NRG3: variants seen among roughly 807,000 people sequenced by gnomAD.
NRG3 encodes pro-neuregulin-3, membrane-bound isoform.
In NRG3, 31 loss-of-function variants were observed where a neutral mutation model predicts 66.9. That is an observed-to-expected ratio of 0.46 (90% confidence interval 0.35 to 0.63). The LOEUF is 0.63. Ranked by LOEUF, NRG3 falls within the 20% of genes least tolerant of loss-of-function variation. The probability of loss-of-function intolerance (pLI) is 0.00; values close to 1 mark genes in which losing one functional copy is unlikely to be tolerated. For synonymous variants in NRG3, 393 were observed against 359.4 expected, an observed-to-expected ratio of 1.09 and a Z score of -1.06; for missense variants, 910 against 878.9, an observed-to-expected ratio of 1.04 and a Z score of -0.45.
intron 1 of NRG3, among the ~76,000 whole-genome samples, chr10:82,245,468 A>G (rs1434203395): frequency 6.6e-6 from 1 of 152,196 alleles, no homozygotes; most frequent in Non-Finnish European, 1.5e-5. Flanking sequence ...CCCTGATGTA[A>G]AAGACTTATA....
rs542120557 is a variant in NRG3, at chr10:82,004,063, C to T, written c.823+127900C>T. On this transcript the variant is annotated intron_variant, in intron 1 of 8. Coordinates refer to ENST00000372141, the MANE Select transcript of NRG3 (RefSeq NM_001010848.4). ...TACCTTAGAGCAGCATTTATTAAAC[C>T]GCAGTTTGTGAACCATAAGTGGTCT... Among the ~76,000 whole-genome samples, 12 of 151,044 alleles carry T rather than the reference C, an allele frequency of 7.9e-5. No individual in the cohort carries two copies. The East Asian group carries it at 1.2e-3, about 15-fold the overall frequency.
intron 1 of NRG3, among the ~76,000 whole-genome samples, chr10:81,934,103 GA>G (rs1276810354): frequency 6.6e-6 from 1 of 152,174 alleles, no homozygotes; most frequent in Non-Finnish European, 1.5e-5. Context: ...CCCCAATTCA[GA>G]AGTTATCTTG....
At chr10:82,293,245 C>T (rs1387185272) in intron 1 of NRG3, among the ~76,000 whole-genome samples, 1 of 151,998 alleles carries the variant, frequency 6.6e-6, no homozygotes, top group Non-Finnish European at 1.5e-5. Flanking sequence ...ACTTAGACGG[C>T]AGTATAAATA....
chr10:82,518,350 C>T (rs1845888113), intron 2 of NRG3, among the ~76,000 whole-genome samples: 1 of 152,144 alleles, frequency 6.6e-6, no homozygotes, highest in South Asian at 2.1e-4. Flanking sequence ...ATACATTCAT[C>T]TACCATGTGT....
At chr10:82,069,734 TA>T (rs1377243424) in intron 1 of NRG3, among the ~76,000 whole-genome samples, 2 of 152,234 alleles carry the variant, frequency 1.3e-5, no homozygotes. Flanking sequence ...AAAAATCATC[TA>T]ATAGTGATAG....
intron 1 of NRG3, among the ~76,000 whole-genome samples, chr10:82,132,814 A>G (rs2070675515): frequency 6.6e-6 from 1 of 151,426 alleles, no homozygotes; most frequent in Admixed American, 6.6e-5. Flanking sequence ...GGTTGTATGT[A>G]TCTAGGAATT....
chr10:82,842,154 G>A (rs1405087789), intron 3 of NRG3, among the ~76,000 whole-genome samples: 1 of 152,154 alleles, frequency 6.6e-6, no homozygotes, highest in Non-Finnish European at 1.5e-5. Context: ...GGGAGGTTGA[G>A]GCAGGAGGAA....
At chr10:82,048,239 C>A (rs9702788) in intron 1 of NRG3, among the ~76,000 whole-genome samples, 1 of 151,832 alleles carries the variant, frequency 6.6e-6, no homozygotes, top group East Asian at 1.9e-4. Flanking sequence ...CAGCTCTGCA[C>A]CAAGAGGACC....
intron 2 of NRG3, among the ~76,000 whole-genome samples, chr10:82,702,923 G>A (rs1168925345): frequency 6.6e-6 from 1 of 151,908 alleles, no homozygotes; most frequent in Non-Finnish European, 1.5e-5. Flanking sequence ...AAGAAAAATG[G>A]TATATGTATA....
intron 1 of NRG3, among the ~76,000 whole-genome samples, chr10:82,112,702 G>A (rs1372539404): frequency 6.6e-6 from 1 of 152,108 alleles, no homozygotes; most frequent in Non-Finnish European, 1.5e-5. Flanking sequence ...CATTCTGAAG[G>A]TCACCCTATG....
chr10:82,173,623 C>T (rs1466984552), intron 1 of NRG3, among the ~76,000 whole-genome samples: 2 of 150,248 alleles, frequency 1.3e-5, no homozygotes, highest in Non-Finnish European at 3.0e-5. Flanking sequence ...CCATAGGAGC[C>T]AAGAGACCTA....
chr10:82,403,954 T>A (rs935841728), intron 2 of NRG3, among the ~76,000 whole-genome samples: 4 of 152,260 alleles, frequency 2.6e-5, no homozygotes, highest in East Asian at 3.9e-4. Flanking sequence ...AACAATTTTG[T>A]ATGCCCTGAA....
At chr10:82,001,552 G>T (rs1293605583) in intron 1 of NRG3, among the ~76,000 whole-genome samples, 1 of 151,822 alleles carries the variant, frequency 6.6e-6, no homozygotes, top group African/African-American at 2.4e-5. Context: ...GAAGGAAAAA[G>T]AAGAGAGGAA....
At position 82,214,549 on chromosome 10, in the gene NRG3, C is replaced by CA. The variant is rs554341386; in HGVS notation, c.824-144187dup. 1.6e-4 allele frequency among the ~76,000 whole-genome samples: 24 copies of CA among 152,292 alleles called. No individual in the cohort carries two copies. The South Asian group carries it at 4.6e-3, about 29-fold the overall frequency. On this transcript the variant is annotated intron_variant, in intron 1 of 8. Transcript: ENST00000372141. ...GTGCAATCATAGCTCATTGTAGTCT[C>CA]AAACACCTGGGCCCAAGTGATCCTC... is the stretch of plus-strand genomic sequence containing the variant.
At chr10:82,418,779 T>G (rs1313009274) in intron 2 of NRG3, among the ~76,000 whole-genome samples, 1 of 152,054 alleles carries the variant, frequency 6.6e-6, no homozygotes, top group Admixed American at 6.6e-5. Context: ...TTTTCTTTTT[T>G]TTTTGGAGAC....
intron 2 of NRG3, among the ~76,000 whole-genome samples, chr10:82,458,082 G>C (rs566944793): frequency 8.5e-5 from 13 of 152,314 alleles, no homozygotes; most frequent in African/African-American, 3.1e-4. Flanking sequence ...CAGGCCCTGA[G>C]AGCCTGGGAG....
Position 82,155,538 on chromosome 10 carries a change from G to A in NRG3, c.824-203201G>A, listed in dbSNP as rs557155084. 5.9e-5 allele frequency among the ~76,000 whole-genome samples: 9 copies of A among 151,820 alleles called. No individual in the cohort carries two copies. The East Asian group carries it at 9.7e-4, about 16-fold the overall frequency. ...GCTTCATTAGTTCTCATATGGCTGT[G>A]TAAAAATGCTAATTACAAACATATC... On this transcript the variant is annotated intron_variant, in intron 1 of 8. Transcript: ENST00000372141.
chr10:82,708,547 C>G (rs901260893), intron 2 of NRG3, among the ~76,000 whole-genome samples: 1 of 152,110 alleles, frequency 6.6e-6, no homozygotes, highest in South Asian at 2.1e-4. Context: ...CCCGGTACCA[C>G]CTTTCGATTT....
chr10:82,347,654 G>A (rs1228312137), intron 1 of NRG3, among the ~76,000 whole-genome samples: 1 of 152,090 alleles, frequency 6.6e-6, no homozygotes, highest in Non-Finnish European at 1.5e-5. Flanking sequence ...TCTGTCTAAT[G>A]TTGACAGTGG....
Sources: allele counts gnomAD v4.1 joint callset (sites outside exome capture counted in the v4.1 genomes callset), GRCh38; gene constraint gnomAD v4.1.1; transcripts MANE v1.5; gene names NCBI Gene and HGNC (gene_info 2026-07-23, HGNC 2026-07-21).